The following ROBO2 variants were observed in gnomAD, a reference collection of about 807,000 sequenced individuals.
ROBO2 encodes roundabout guidance receptor 2.
In ROBO2, 53 loss-of-function variants were observed where a neutral mutation model predicts 160.8. That is an observed-to-expected ratio of 0.33 (90% CI 0.26 to 0.41). The LOEUF (loss-of-function observed/expected upper bound fraction) is 0.41, where lower values mean the gene tolerates loss of function less well. Among genes scored for constraint, ROBO2 ranks in the 10% least tolerant of loss-of-function variants. ROBO2 has a pLI of 1.00. For missense variants in ROBO2, 1,577 were observed against 1,722.4 expected (o/e 0.92, Z 1.49); for synonymous variants, 664 against 611.7 (o/e 1.09, Z -1.26).
At chr3:76,207,979 G>A (rs565995812) in intron 2 of ROBO2, among the ~76,000 whole-genome samples, 4 of 152,160 alleles carry the variant, frequency 2.6e-5, no homozygotes, top group Non-Finnish European at 5.9e-5. Context: ...TAGTGTGTGA[G>A]TTCTTGTGAG....
At chr3:76,566,973 A>G (rs948929527) in intron 2 of ROBO2, among the ~76,000 whole-genome samples, 1 of 152,198 alleles carries the variant, frequency 6.6e-6, no homozygotes, top group African/African-American at 2.4e-5. Flanking sequence ...CTTAAAATAA[A>G]TTTATTAAAG....
chr3:76,580,144 T>A (rs1318047711), intron 2 of ROBO2, among the ~76,000 whole-genome samples: 2 of 152,124 alleles, frequency 1.3e-5, no homozygotes, highest in Non-Finnish European at 2.9e-5. Context: ...GGGGCTGTTA[T>A]ATCATTTCTG....
At chr3:75,990,487 G>C (rs2065536328) in intron 2 of ROBO2, among the ~76,000 whole-genome samples, 1 of 152,176 alleles carries the variant, frequency 6.6e-6, no homozygotes, top group South Asian at 2.1e-4. Flanking sequence ...AGGATAGATT[G>C]AGGTGGAGTG....
At chr3:76,717,824 G>GCA (rs1560436720) in intron 2 of ROBO2, among the ~76,000 whole-genome samples, 2 of 151,572 alleles carry the variant, frequency 1.3e-5, no homozygotes, top group African/African-American at 4.9e-5. Context: ...CCATAACCAA[G>GCA]ATTTGCAGGT....
chr3:75,999,193 A>G (rs867976338), intron 2 of ROBO2, among the ~76,000 whole-genome samples: 1 of 152,204 alleles, frequency 6.6e-6, no homozygotes, highest in Non-Finnish European at 1.5e-5. Flanking sequence ...GAGTTAAACA[A>G]TATGTGAAAA....
At chr3:76,651,535 A>C (rs1392560274) in intron 2 of ROBO2, among the ~76,000 whole-genome samples, 1 of 152,046 alleles carries the variant, frequency 6.6e-6, no homozygotes, top group Non-Finnish European at 1.5e-5. Flanking sequence ...TAAATGAGAG[A>C]GATGACTAGT....
At chr3:76,347,162 A>G (rs2074581587) in intron 2 of ROBO2, among the ~76,000 whole-genome samples, 1 of 152,150 alleles carries the variant, frequency 6.6e-6, no homozygotes, top group Middle Eastern at 3.2e-3. Flanking sequence ...ATCAATTTAT[A>G]TTCTGATAAA....
intron 2 of ROBO2, among the ~76,000 whole-genome samples, chr3:77,395,116 C>T (rs1163918990): frequency 6.6e-6 from 1 of 152,072 alleles, no homozygotes; most frequent in Non-Finnish European, 1.5e-5. Context: ...GCAGTATTTG[C>T]TATTTTCTAC....
At chr3:77,102,357 G>A (rs565747615) in intron 2 of ROBO2, among the ~76,000 whole-genome samples, 7 of 152,054 alleles carry the variant, frequency 4.6e-5, no homozygotes, top group Admixed American at 2.0e-4. Flanking sequence ...TACCTCTGGC[G>A]TTTGTTCACA....
intron 2 of ROBO2, among the ~76,000 whole-genome samples, chr3:76,738,297 A>C (rs1245980701): frequency 1.3e-5 from 2 of 152,172 alleles, no homozygotes; most frequent in African/African-American, 4.8e-5. Context: ...AGCCACATAG[A>C]CAATAAATAG....
chr3:76,693,369 T>A (rs1197876999), intron 2 of ROBO2, among the ~76,000 whole-genome samples: 1 of 151,070 alleles, frequency 6.6e-6, no homozygotes, highest in Non-Finnish European at 1.5e-5. Flanking sequence ...TGTATGTGTA[T>A]GTAGCATATA....
chr3:76,374,458 C>A (rs901869652), intron 2 of ROBO2, among the ~76,000 whole-genome samples: 1 of 151,814 alleles, frequency 6.6e-6, no homozygotes, highest in Admixed American at 6.6e-5. Context: ...TAGATAAACA[C>A]AATAACAGTT....
At chr3:76,119,915 T>TA in intron 2 of ROBO2, among the ~76,000 whole-genome samples, 1 of 80,252 alleles carries the variant, frequency 1.2e-5, no homozygotes, top group African/African-American at 5.5e-5. Context: ...CTTCCCTCCC[T>TA]CCCTTCCTTC....
intron 2 of ROBO2, among the ~76,000 whole-genome samples, chr3:76,620,538 A>C (rs2088982400): frequency 6.6e-6 from 1 of 152,212 alleles, no homozygotes; most frequent in African/African-American, 2.4e-5. Context: ...ATAGAAATAT[A>C]AAATTAGGGG....
At chr3:76,937,348 G>GT (rs34183840) in intron 2 of ROBO2, among the ~76,000 whole-genome samples, 6 of 151,356 alleles carry the variant, frequency 4.0e-5, no homozygotes, top group African/African-American at 1.2e-4. Context: ...CAGGGTTTTT[G>GT]TTTTTTTTAA....
intron 2 of ROBO2, among the ~76,000 whole-genome samples, chr3:77,291,253 T>TA (rs1393803011): frequency 2.6e-5 from 4 of 151,852 alleles, no homozygotes; most frequent in Non-Finnish European, 5.9e-5. Flanking sequence ...AATTGACGGT[T>TA]AAACGGGTAA....
At chr3:77,353,995 T>C (rs752669035) in intron 2 of ROBO2, among the ~76,000 whole-genome samples, 1 of 152,160 alleles carries the variant, frequency 6.6e-6, no homozygotes, top group Non-Finnish European at 1.5e-5. Flanking sequence ...CCCTGAATTG[T>C]TTTTACTGAA....
intron 2 of ROBO2, among the ~76,000 whole-genome samples, chr3:77,262,461 T>C (rs2058837135): frequency 6.6e-6 from 1 of 151,554 alleles, no homozygotes; most frequent in Admixed American, 6.6e-5. Context: ...GTACTGGGAG[T>C]TGTGTATTCA....
intron 2 of ROBO2, among the ~76,000 whole-genome samples, chr3:76,988,678 C>A (rs2060512073): frequency 6.6e-6 from 1 of 152,074 alleles, no homozygotes; most frequent in South Asian, 2.1e-4. Flanking sequence ...CACTGTTATT[C>A]CCAGTAGATT....
Sources: allele counts gnomAD v4.1 joint callset (sites outside exome capture counted in the v4.1 genomes callset), GRCh38; gene constraint gnomAD v4.1.1; transcripts MANE v1.5; gene names NCBI Gene and HGNC (gene_info 2026-07-23, HGNC 2026-07-21).